DKKL1: variants seen among roughly 807,000 people sequenced by gnomAD.
The protein encoded by DKKL1 is dickkopf-like protein 1.
A neutral mutation model predicts 16.5 loss-of-function variants in DKKL1; 11 were observed. The observed-to-expected ratio is 0.67, with a 90% confidence interval of 0.42 to 1.10. The LOEUF (loss-of-function observed/expected upper bound fraction) is 1.10, where lower values mean the gene tolerates loss of function less well. Ranked by LOEUF, DKKL1 falls within the 50% of genes least tolerant of loss-of-function variation. The probability of loss-of-function intolerance (pLI) is 0.00; values close to 1 mark genes in which losing one functional copy is unlikely to be tolerated. For synonymous variants in DKKL1, 119 were observed against 133.2 expected, an observed-to-expected ratio of 0.89 and a Z score of 0.73; for missense variants, 320 against 308.1, an observed-to-expected ratio of 1.04 and a Z score of -0.29.
At chr19:49,374,221 C>T (rs1431888152) in intron 4 of DKKL1, among the ~76,000 whole-genome samples, 2 of 152,090 alleles carry the variant, frequency 1.3e-5, no homozygotes, top group Non-Finnish European at 1.5e-5. Flanking sequence ...CTCCTGACCT[C>T]GTGATCCGCC....
At chr19:49,364,124 C>A in intron 1 of DKKL1, 116 bp downstream of exon 1, 2 of 1,397,136 alleles carry the variant, frequency 1.4e-6, no homozygotes, top group Non-Finnish European at 2.0e-6. Context: ...CCCAGGTGGG[C>A]GGATCGCTTG....
intron 4 of DKKL1, chr19:49,369,603 G>C (rs1777375687): frequency 6.6e-6 from 1 of 152,222 alleles, no homozygotes; most frequent in South Asian, 2.1e-4. Context: ...TGGCACCATG[G>C]CTTGCCTCAC....
chr19:49,364,496 G>C (rs1973172421), intron 1 of DKKL1, 86 bp from the exon 2 acceptor site: 8 of 1,230,638 alleles, frequency 6.5e-6, no homozygotes, highest in Non-Finnish European at 6.7e-6. Context: ...GAACTGGGGA[G>C]GCGACCTGGG....
At chr19:49,362,928 T>G (rs1359223678), upstream of DKKL1, 1 of 129,632 alleles carries the variant, frequency 7.7e-6, no homozygotes, top group Non-Finnish European at 1.6e-5. Flanking sequence ...TGTTTTTTGT[T>G]TTTTTTGTTT....
intron 4 of DKKL1, chr19:49,370,134 A>G (rs1288547482): frequency 6.6e-6 from 1 of 152,394 alleles, no homozygotes; most frequent in East Asian, 1.9e-4. Context: ...ATACCAAGCC[A>G]GTGAAAGCTC....
At chr19:49,366,442 T>C (rs1600836113) in intron 4 of DKKL1, among the ~76,000 whole-genome samples, 1 of 152,162 alleles carries the variant, frequency 6.6e-6, no homozygotes, top group East Asian at 1.9e-4. Flanking sequence ...TTTCTTTTTT[T>C]TTTTTAACTA....
upstream of DKKL1, chr19:49,360,561 C>CGGGTATGA (rs889531189): frequency 5.7e-5 from 9 of 157,976 alleles, no homozygotes; most frequent in African/African-American, 1.9e-4. Flanking sequence ...GCTAAAGGTT[C>CGGGTATGA]GGGTATGAAT....
At chr19:49,364,253 A>C in intron 1 of DKKL1, among the ~76,000 whole-genome samples, 1 of 145,838 alleles carries the variant, frequency 6.9e-6, no homozygotes. Flanking sequence ...CGGGGGGCTG[A>C]GGTGGGAGAA....
upstream of DKKL1, chr19:49,363,583 A>G (rs532492100): frequency 6.3e-5 from 21 of 331,174 alleles, no homozygotes; most frequent in African/African-American, 4.3e-4. Flanking sequence ...ATTGGGCGGG[A>G]CTCCGAAACG....
chr19:49,364,885 A>G (rs1973191114), intron 2 of DKKL1, 131 bp downstream of exon 2: 2 of 1,173,766 alleles, frequency 1.7e-6, no homozygotes, highest in Non-Finnish European at 2.4e-6. Context: ...AGAGATAGGA[A>G]GAGGGAAGGG....
chr19:49,364,533 G>A, intron 1 of DKKL1, 49 bp from the exon 2 acceptor site: 1 of 1,536,142 alleles, frequency 6.5e-7, no homozygotes, highest in Non-Finnish European at 8.8e-7. Context: ...GGCGTCTTGG[G>A]TGGGGGCGTG....
chr19:49,362,465 G>T (rs944815435), upstream of DKKL1: 1 of 152,216 alleles, frequency 6.6e-6, no homozygotes, highest in Non-Finnish European at 1.5e-5. Flanking sequence ...GGGAGGGACC[G>T]GAGGGGGGGG....
chr19:49,374,805 T>C lies in DKKL1; in HGVS notation c.506T>C (p.Phe169Ser), dbSNP rs766186744. The change falls in exon 5 of 5, where the codon TTC becomes TCC. Residue 169 changes from phenylalanine to serine, a missense_variant. Transcript: ENST00000221498. ...FHTELHPRVAFWIIKLPRRRS... is the reference protein window; with the variant it reads ...FHTELHPRVASWIIKLPRRRS... ...ACAGAACTCCATCCCCGGGTGGCCT[T>C]CTGGATCATTAAGCTGCCACGGCGG... 4 of 1,613,124 alleles carry C rather than the reference T, an allele frequency of 2.5e-6. No individual in the cohort carries two copies. The African/African-American group carries it at 5.3e-5, about 22-fold the overall frequency.
chr19:49,367,019 TTTC>T (rs902430492), intron 4 of DKKL1, among the ~76,000 whole-genome samples: 98 of 151,212 alleles, frequency 6.5e-4, no homozygotes, highest in African/African-American at 1.5e-3. Context: ...AAAATGTGAT[TTTC>T]TTCTTCTTTT....
At position 49,375,011 on chromosome 19, in the gene DKKL1, C is replaced by T; in HGVS notation, c.712C>T (p.Pro238Ser). 1 of 1,608,098 alleles carries T rather than the reference C, an allele frequency of 6.2e-7. No homozygotes were observed. The highest frequency in any genetic ancestry group is 8.5e-7 in the Non-Finnish European group (1 of 1,176,994). ...RKTHLLYILR[P>S]SRQL is the part of the protein sequence containing the mutation. ...GACCCACTTACTGTACATCCTCAGG[C>T]CCTCTCGGCAGCTGTAGGGGTGGGG... The change falls in exon 5 of 5, where the codon CCC (proline) becomes TCC (serine). Residue 238 changes from proline (P) to serine (S), a missense_variant. Physicochemically the swap from Pro to Ser is moderately conservative, Grantham distance 74 (BLOSUM62 -1). Transcript: ENST00000221498.
upstream of DKKL1, among the ~76,000 whole-genome samples, chr19:49,360,732 G>GGGGGACAGAGACCCAGAGAGGGAT: frequency 1.1e-5 from 1 of 92,762 alleles, no homozygotes. Flanking sequence ...TCTAGAGAGA[G>GGGGGACAGAGACCCAGAGAGGGAT]GGGGACAGAG....
rs375202437 is a variant in DKKL1, at chr19:49,374,872, C to T, written c.573C>T (p.Ser191=). The T allele has an allele frequency of 1.9e-5, 30 of 1,613,940 alleles. No individual in the cohort carries two copies. Among genetic ancestry groups the T allele is most frequent in the African/African-American group, 5.3e-5 (4 of 75,016 alleles). The part of the protein sequence containing the change: ...QDALEGGHWL[S]EKRHRLQAIR... Reference sequence around the variant, plus strand: ...CCCTGGAGGGCGGCCACTGGCTCAGCGAGAAGCGACACCGCCTGCAGGCCA... The same window carrying T: ...CCCTGGAGGGCGGCCACTGGCTCAGTGAGAAGCGACACCGCCTGCAGGCCA... Residue 191 remains serine, a synonymous_variant, in exon 5 of 5, where the codon AGC becomes AGT. Coordinates refer to ENST00000221498, the MANE Select transcript of DKKL1 (RefSeq NM_014419.4).
At chr19:49,373,929 CA>C (rs1450288138) in intron 4 of DKKL1, among the ~76,000 whole-genome samples, 1 of 152,058 alleles carries the variant, frequency 6.6e-6, no homozygotes, top group Non-Finnish European at 1.5e-5. Flanking sequence ...ACCAAACAGA[CA>C]CTCAGTCCAT....
Position 49,363,896 on chromosome 19 carries a change from T to C in DKKL1, c.-103T>C, listed in dbSNP as rs573073535. 2 of 1,506,860 alleles carry C rather than the reference T, an allele frequency of 1.3e-6. No individual in the cohort carries two copies. Among genetic ancestry groups the C allele is most frequent in the South Asian group, 1.2e-5 (1 of 83,726 alleles). The allele number at this position is 1,506,860 out of a possible 1,614,324, so 93.3% of individuals were successfully genotyped here. ...TAGACCAGACCTGGGCTCGAGACCA[T>C]AACTGTTTGGCTTTAACAGTACGTG... On this transcript the variant is annotated 5_prime_UTR_variant, in exon 1 of 5. Transcript: ENST00000221498.
Sources: gnomAD v4.1 joint callset for allele counts (sites outside exome capture counted in the v4.1 genomes callset) on GRCh38, gnomAD v4.1.1 for gene constraint, MANE v1.5 for transcripts, NCBI Gene and HGNC (gene_info 2026-07-23, HGNC 2026-07-21) for gene names.